RHOT1: variants seen among roughly 807,000 people sequenced by gnomAD.
RHOT1 encodes the protein ras homolog family member T1.
RHOT1 carries 27 observed loss-of-function variants against 95.3 expected under a neutral mutation model. That is an observed-to-expected ratio of 0.28 (90% CI 0.21 to 0.39). RHOT1 has a LOEUF of 0.39. Among genes scored for constraint, RHOT1 ranks in the 10% least tolerant of loss-of-function variants. The pLI, the probability that RHOT1 is intolerant of heterozygous loss-of-function variation, is 1.00. For missense variants in RHOT1, 578 were observed against 786.7 expected (o/e 0.73, Z 3.17); for synonymous variants, 227 against 263.5 (o/e 0.86, Z 1.34).
chr17:32,185,337 C>A (rs150209668), intron 8 of RHOT1, among the ~76,000 whole-genome samples: 1,540 of 152,208 alleles, frequency 0.01, 8 homozygotes, highest in Non-Finnish European at 0.016. Flanking sequence ...CTTGAACACC[C>A]AACCTCAGGT....
At chr17:32,142,919 C>T (rs1250008191) in intron 1 of RHOT1, 190 bp downstream of exon 1, 5 of 723,360 alleles carry the variant, frequency 6.9e-6, no homozygotes, top group African/African-American at 1.7e-5. Flanking sequence ...GGCTGGCCGC[C>T]GGCGGCCCTC....
At chr17:32,191,596 G>A (rs753591397) in intron 8 of RHOT1, among the ~76,000 whole-genome samples, 2 of 152,126 alleles carry the variant, frequency 1.3e-5, no homozygotes, top group Non-Finnish European at 2.9e-5. Flanking sequence ...ATTTCCAGCA[G>A]CATTAGTCAT....
chr17:32,176,457 T>C (rs962912510), intron 6 of RHOT1, among the ~76,000 whole-genome samples: 3 of 152,200 alleles, frequency 2.0e-5, no homozygotes, highest in African/African-American at 7.2e-5. Context: ...AGAACTCTGA[T>C]ATCATGATTC....
At chr17:32,150,584 C>T in intron 1 of RHOT1, 3 of 1,586,096 alleles carry the variant, frequency 1.9e-6, no homozygotes, top group East Asian at 2.2e-5. Context: ...AGAGAGGAAC[C>T]CTGTCCTCCT....
intron 19 of RHOT1, among the ~76,000 whole-genome samples, chr17:32,217,482 C>T (rs1449199487): frequency 1.3e-5 from 2 of 152,046 alleles, no homozygotes; most frequent in Admixed American, 6.6e-5. Flanking sequence ...TACAGCCAGG[C>T]GCCTTGGCTC....
At chr17:32,192,882 G>T (rs925987121) in intron 9 of RHOT1, among the ~76,000 whole-genome samples, 2 of 152,030 alleles carry the variant, frequency 1.3e-5, no homozygotes, top group Non-Finnish European at 2.9e-5. Context: ...ATGTTGGCCA[G>T]GGTGGACTCG....
intron 1 of RHOT1, among the ~76,000 whole-genome samples, chr17:32,168,241 G>GCACA (rs140835442): frequency 7.3e-5 from 11 of 150,814 alleles, no homozygotes; most frequent in African/African-American, 2.7e-4. Context: ...GTTATGTCAT[G>GCACA]CACACACACA....
intron 11 of RHOT1, among the ~76,000 whole-genome samples, chr17:32,194,815 GTTCT>G (rs1272014318): frequency 6.8e-6 from 1 of 146,236 alleles, no homozygotes; most frequent in Non-Finnish European, 1.5e-5. Flanking sequence ...TCTATTTGTG[GTTCT>G]TTTTCTTTCT....
intron 17 of RHOT1, among the ~76,000 whole-genome samples, chr17:32,207,853 TG>T (rs1156520983): frequency 3.3e-5 from 5 of 152,184 alleles, no homozygotes; most frequent in Admixed American, 6.5e-5. Context: ...TTTAATTACA[TG>T]TTTTTTTTAA....
rs2034906094 is a variant in RHOT1 at position 32,175,316 on chromosome 17, T to C, written c.179-3T>C. On this transcript the variant is annotated splice_polypyrimidine_tract_variant and splice_region_variant and intron_variant, in intron 3 of 19. Coordinates refer to ENST00000545287, the MANE Select transcript of RHOT1 (RefSeq NM_001033566.3). Reference sequence around the variant, plus strand: ...TGAAACATTGACTTCCTGTCATTTGTAGAAGCAGAACAGAGTGATGAACAA... The same window carrying C: ...TGAAACATTGACTTCCTGTCATTTGCAGAAGCAGAACAGAGTGATGAACAA... 1.2e-6 allele frequency: 2 copies of C among 1,612,858 alleles called. No homozygotes were observed. The highest frequency in any genetic ancestry group is 1.3e-5 in the African/African-American group (1 of 74,912).
chr17:32,208,267 G>A lies in RHOT1; in HGVS notation c.1697G>A (p.Ser566Asn). 1 of 1,614,042 alleles carries A rather than the reference G, an allele frequency of 6.2e-7. No homozygotes were observed. The highest frequency in any genetic ancestry group is 8.5e-7 in the Non-Finnish European group (1 of 1,179,960). The stretch of plus-strand genomic sequence containing the variant: ...ACTTGCAATACTGCTGATGCCCCCA[G>A]TAAGGATATCTTTGTTAAATTGACA... ...AFTCNTADAP[S>N]KDIFVKLTTM... The change falls in exon 18 of 20, where the codon AGT becomes AAT. Residue 566 changes from serine (S) to asparagine (N), a missense_variant. Transcript: ENST00000545287.
intron 1 of RHOT1, among the ~76,000 whole-genome samples, chr17:32,163,601 G>A (rs976711594): frequency 3.3e-5 from 5 of 151,888 alleles, no homozygotes; most frequent in Admixed American, 2.6e-4. Flanking sequence ...GTGATGGTGC[G>A]CACCTGTAAT....
intron 1 of RHOT1, among the ~76,000 whole-genome samples, chr17:32,147,818 C>CAA (rs747777034): frequency 1.7e-5 from 2 of 115,046 alleles, no homozygotes; most frequent in Admixed American, 9.0e-5. Context: ...GACTCCATTT[C>CAA]AAAAAAAAAA....
At chr17:32,179,604 C>T (rs1272560198) in intron 6 of RHOT1, 1 of 150,000 alleles carries the variant, frequency 6.7e-6, no homozygotes, top group African/African-American at 2.5e-5. Context: ...GCCACCCCGT[C>T]TGGGAAGTGA....
chr17:32,208,331 T>C (rs755512236), intron 18 of RHOT1, 22 bp downstream of exon 18: 85 of 1,596,470 alleles, frequency 5.3e-5, no homozygotes, highest in Non-Finnish European at 7.1e-5. Flanking sequence ...CTGTCTTCAT[T>C]TTCATGTTGC....
At chr17:32,204,173 C>G (rs2037532247) in intron 16 of RHOT1, among the ~76,000 whole-genome samples, 200 bp downstream of exon 16, 2 of 152,152 alleles carry the variant, frequency 1.3e-5, no homozygotes, top group South Asian at 4.1e-4. Context: ...CCCACTTCAG[C>G]CTCCCAAGGA....
chr17:32,175,286 C>G (rs1374561964), intron 3 of RHOT1, 33 bp from the exon 4 acceptor site: 1 of 1,594,962 alleles, frequency 6.3e-7, no homozygotes, highest in Admixed American at 1.7e-5. Context: ...AAAGTGTCTG[C>G]AATATGAAAC....
intron 1 of RHOT1, among the ~76,000 whole-genome samples, chr17:32,148,542 T>C (rs2031736561): frequency 6.6e-6 from 1 of 152,250 alleles, no homozygotes; most frequent in African/African-American, 2.4e-5. Context: ...CGATAGCTTT[T>C]GTTCTGCAGG....
At chr17:32,188,337 G>A (rs1488867883) in intron 8 of RHOT1, among the ~76,000 whole-genome samples, 1 of 152,202 alleles carries the variant, frequency 6.6e-6, no homozygotes, top group Non-Finnish European at 1.5e-5. Flanking sequence ...ACTTAACTAT[G>A]CAATTGAGTT....
Sources: gnomAD v4.1 joint callset for allele counts (sites outside exome capture counted in the v4.1 genomes callset) on GRCh38, gnomAD v4.1.1 for gene constraint, MANE v1.5 for transcripts, NCBI Gene and HGNC (gene_info 2026-07-23, HGNC 2026-07-21) for gene names.